The following NAV2 variants were observed in gnomAD, a reference collection of about 807,000 sequenced individuals.
NAV2 encodes neuron navigator 2, also known as helicase, APC down-regulated 1.
A neutral mutation model predicts 223.2 loss-of-function variants in NAV2; 54 were observed. That is an observed-to-expected ratio of 0.24 (90% CI 0.19 to 0.30). NAV2 has a LOEUF of 0.30. Among genes scored for constraint, NAV2 ranks in the 10% least tolerant of loss-of-function variants. The pLI is 1.00. For missense variants in NAV2, 2,806 were observed against 3,147.5 expected (o/e 0.89, Z 2.60); for synonymous variants, 1,279 against 1,239.3 (o/e 1.03, Z -0.67).
chr11:19,533,591 T>C (rs2044091996), intron 1 of NAV2, among the ~76,000 whole-genome samples: 2 of 152,148 alleles, frequency 1.3e-5, no homozygotes, highest in Non-Finnish European at 2.9e-5. Context: ...TTTTCAGTCA[T>C]TGTCCTCCTG....
chr11:19,568,578 T>G (rs2045336185), intron 1 of NAV2, among the ~76,000 whole-genome samples: 1 of 152,206 alleles, frequency 6.6e-6, no homozygotes, highest in African/African-American at 2.4e-5. Flanking sequence ...GGAGCACTGT[T>G]TGTGTCAGAC....
chr11:19,382,603 G>T (rs56190229), intron 1 of NAV2, among the ~76,000 whole-genome samples: 5 of 152,160 alleles, frequency 3.3e-5, no homozygotes, highest in African/African-American at 1.2e-4. Context: ...ACTGCGGCCC[G>T]AAGTCTAATG....
intron 1 of NAV2, among the ~76,000 whole-genome samples, chr11:19,557,457 G>A (rs1357101789): frequency 1.3e-4 from 20 of 152,190 alleles, no homozygotes; most frequent in Admixed American, 1.3e-3. Flanking sequence ...TGTTTCTCCT[G>A]CTGAAGTACA....
intron 1 of NAV2, among the ~76,000 whole-genome samples, chr11:19,772,735 T>C (rs1344955322): frequency 1.3e-5 from 2 of 152,092 alleles, no homozygotes; most frequent in African/African-American, 4.8e-5. Flanking sequence ...CATGTGTGGG[T>C]GGAGAGGCGT....
chr11:19,819,976 G>A (rs1222421136), intron 1 of NAV2, among the ~76,000 whole-genome samples: 2 of 152,220 alleles, frequency 1.3e-5, no homozygotes, highest in African/African-American at 2.4e-5. Context: ...GGCATGATAA[G>A]GCCAGACGTC....
At position 20,055,874 on chromosome 11, in the gene NAV2, G is replaced by A. The variant is rs199788026; in HGVS notation, c.4748G>A (p.Arg1583His). Residue 1583 changes from arginine (R) to histidine (H), a missense_variant, in exon 19 of 38, where the codon CGC becomes CAC. Arg to His is a conservative substitution (Grantham distance 29, BLOSUM62 0). Transcript: ENST00000349880. ...DGQYDPYTDS[R>H]FRNSSMSLDE... ...CAGTATGATCCATACACTGACAGCC[G>A]CTTCCGGAATAGCTCCATGTCCCTG... 3.8e-5 allele frequency: 62 copies of A among 1,614,060 alleles called. No homozygotes were observed. The highest frequency in any genetic ancestry group is 2.4e-4 in the African/African-American group (18 of 74,936).
chr11:19,865,022 C>T (rs1325293588), intron 3 of NAV2, among the ~76,000 whole-genome samples: 1 of 152,190 alleles, frequency 6.6e-6, no homozygotes, highest in African/African-American at 2.4e-5. Context: ...GTCCCCAGCC[C>T]CCTTCAAAAA....
At chr11:20,095,223 C>T (rs929231322) in intron 29 of NAV2, among the ~76,000 whole-genome samples, 1 of 152,008 alleles carries the variant, frequency 6.6e-6, no homozygotes, top group Admixed American at 6.6e-5. Flanking sequence ...TAAATTAGTA[C>T]AGAATATATC....
chr11:19,625,279 A>G (rs2047133237), intron 1 of NAV2, among the ~76,000 whole-genome samples: 1 of 152,228 alleles, frequency 6.6e-6, no homozygotes, highest in African/African-American at 2.4e-5. Context: ...CAATGAGAAC[A>G]ACTTTTTTTA....
chr11:19,831,002 T>A (rs949565465), intron 1 of NAV2, among the ~76,000 whole-genome samples: 2 of 151,886 alleles, frequency 1.3e-5, no homozygotes, highest in Non-Finnish European at 2.9e-5. Context: ...TCACTGTGGG[T>A]GCACCTTTGC....
chr11:19,781,048 G>A (rs555723409), intron 1 of NAV2, among the ~76,000 whole-genome samples: 26 of 152,212 alleles, frequency 1.7e-4, no homozygotes, highest in African/African-American at 5.1e-4. Flanking sequence ...AGCTTTATGT[G>A]TATGATTCTA....
At chr11:19,523,616 A>G (rs1398986040) in intron 1 of NAV2, among the ~76,000 whole-genome samples, 3 of 151,220 alleles carry the variant, frequency 2.0e-5, no homozygotes, top group African/African-American at 7.3e-5. Context: ...CTTCCGAGCC[A>G]CTCTTCTTCT....
intron 1 of NAV2, among the ~76,000 whole-genome samples, chr11:19,513,910 T>C (rs986708888): frequency 6.6e-6 from 1 of 152,086 alleles, no homozygotes; most frequent in Admixed American, 6.5e-5. Context: ...TACCAGAAGC[T>C]AGGAAGATGC....
chr11:20,068,317 T>A lies in NAV2; in HGVS notation c.4909-7T>A. 6.2e-7 allele frequency: 1 copy of A among 1,614,076 alleles called. No individual in the cohort carries two copies. Among genetic ancestry groups the A allele is most frequent in the Non-Finnish European group, 8.5e-7 (1 of 1,179,910 alleles). On this transcript the variant is annotated splice_polypyrimidine_tract_variant and splice_region_variant and intron_variant, in intron 21 of 37. Transcript: ENST00000349880. ...AAGCATGTAACCCTCTCCCTTGTCATCTTTAGATTCGCAAGCTGCGGCGGG... is the reference window on the plus strand; with the variant it reads ...AAGCATGTAACCCTCTCCCTTGTCAACTTTAGATTCGCAAGCTGCGGCGGG...
At chr11:19,363,306 T>C (rs982000696) in intron 1 of NAV2, among the ~76,000 whole-genome samples, 1 of 152,210 alleles carries the variant, frequency 6.6e-6, no homozygotes, top group Non-Finnish European at 1.5e-5. Context: ...GCAAAGGACA[T>C]GAACTCATCC....
At chr11:19,626,662 A>G (rs1451163083) in intron 1 of NAV2, among the ~76,000 whole-genome samples, 1 of 152,098 alleles carries the variant, frequency 6.6e-6, no homozygotes, top group Non-Finnish European at 1.5e-5. Context: ...ATCCATGAGT[A>G]TGGGATGTCT....
intron 1 of NAV2, among the ~76,000 whole-genome samples, chr11:19,674,413 T>C (rs1198084573): frequency 1.3e-5 from 2 of 152,114 alleles, no homozygotes; most frequent in African/African-American, 4.8e-5. Context: ...AGCTCCCAAG[T>C]AGCAATTTTT....
Position 20,109,006 on chromosome 11 carries a change from C to T in NAV2, c.6960+1224C>T, listed in dbSNP as rs77165790. Among the ~76,000 whole-genome samples the T allele has an allele frequency of 7.2e-3, 1,098 of 152,264 alleles. 79 individuals carry two copies. In the East Asian group the frequency reaches 0.16, roughly 22 times the overall value. ...GACAGTGGGAGACACAAGATGCTAT[C>T]GTAGGCCTGTGGAGGGTGCAGGGAC... On this transcript the variant is annotated intron_variant, in intron 36 of 37. Coordinates refer to ENST00000349880, the MANE Select transcript of NAV2 (RefSeq NM_145117.5).
chr11:19,904,453 T>TTAGGTAGAAACTTAATTCTCTGGAC (rs1371653129), intron 6 of NAV2, among the ~76,000 whole-genome samples: 7 of 152,088 alleles, frequency 4.6e-5, no homozygotes, highest in African/African-American at 1.7e-4. Context: ...ATTCTCTGGA[T>TTAGGTAGAAACTTAATTCTCTGGAC]TAGGTAGAAA....
Sources: gnomAD v4.1 joint callset for allele counts (sites outside exome capture counted in the v4.1 genomes callset) on GRCh38, gnomAD v4.1.1 for gene constraint, MANE v1.5 for transcripts, NCBI Gene and HGNC (gene_info 2026-07-23, HGNC 2026-07-21) for gene names.